Variants in GNG4 observed in about 807,000 individuals in gnomAD.
GNG4 encodes G protein subunit gamma 4.
GNG4 carries 4 observed loss-of-function variants against 5.8 expected under a neutral mutation model. That is an observed-to-expected ratio of 0.69 (90% CI 0.34 to 1.57). GNG4 has a LOEUF of 1.57. GNG4 is among the 40% of genes most tolerant of loss of function. GNG4 has a pLI of 0.06. For synonymous variants in GNG4, 29 were observed against 32.9 expected, an observed-to-expected ratio of 0.88 and a Z score of 0.41; for missense variants, 96 against 95.1, an observed-to-expected ratio of 1.01 and a Z score of -0.04.
intron 3 of GNG4, among the ~76,000 whole-genome samples, chr1:235,556,622 G>A (rs183765900): frequency 3.1e-4 from 46 of 150,564 alleles, no homozygotes; most frequent in East Asian, 9.8e-4. Flanking sequence ...TACTACAGCC[G>A]TCCCCAACGT....
chr1:235,605,820 A>T (rs1267487246), intron 1 of GNG4, among the ~76,000 whole-genome samples: 1 of 152,128 alleles, frequency 6.6e-6, no homozygotes. Context: ...GTCAGGGAGC[A>T]GACCAGGAAG....
intron 3 of GNG4, among the ~76,000 whole-genome samples, chr1:235,561,103 G>A (rs1324416885): frequency 3.9e-5 from 6 of 152,094 alleles, no homozygotes; most frequent in Non-Finnish European, 7.4e-5. Context: ...TCCACCTCAC[G>A]GGTTCAAGAC....
intron 3 of GNG4, among the ~76,000 whole-genome samples, chr1:235,576,415 GAAAA>G (rs1034248034): frequency 3.9e-5 from 6 of 152,130 alleles, no homozygotes; most frequent in Non-Finnish European, 8.8e-5. Flanking sequence ...TGATGGGTGA[GAAAA>G]AGAATAAGGC....
chr1:235,647,971 T>C (rs1657553447), intron 1 of GNG4, among the ~76,000 whole-genome samples: 1 of 152,206 alleles, frequency 6.6e-6, no homozygotes, highest in Non-Finnish European at 1.5e-5. Flanking sequence ...ATTGGGGGAC[T>C]TCAGGGACTG....
chr1:235,573,021 T>A (rs142062041), intron 3 of GNG4, among the ~76,000 whole-genome samples: 233 of 152,294 alleles, frequency 1.5e-3, no homozygotes, highest in Non-Finnish European at 2.6e-3. Flanking sequence ...TCACAACACA[T>A]GCACATGTAT....
intron 1 of GNG4, among the ~76,000 whole-genome samples, chr1:235,596,212 ACAC>A (rs1558490837): frequency 0.19 from 19,659 of 104,602 alleles, 1,861 homozygotes; most frequent in Non-Finnish European, 0.23. Flanking sequence ...AACAAAATAC[ACAC>A]ACACACACAC....
chr1:235,614,104 C>T (rs367898203), intron 1 of GNG4, among the ~76,000 whole-genome samples: 25 of 152,214 alleles, frequency 1.6e-4, no homozygotes, highest in African/African-American at 4.8e-4. Flanking sequence ...TGAGCCGCTG[C>T]GCCTGGCCTA....
chr1:235,575,645 T>C (rs2102933562), intron 3 of GNG4, among the ~76,000 whole-genome samples: 1 of 152,310 alleles, frequency 6.6e-6, no homozygotes, highest in East Asian at 1.9e-4. Context: ...GGCAGAATGT[T>C]CCTTGGCCAG....
At chr1:235,563,042 G>A (rs761487191) in intron 3 of GNG4, among the ~76,000 whole-genome samples, 1 of 152,018 alleles carries the variant, frequency 6.6e-6, no homozygotes, top group African/African-American at 2.4e-5. Context: ...TATTGTTTCT[G>A]CTGTCTTATT....
At chr1:235,611,465 C>T (rs894170642) in intron 1 of GNG4, among the ~76,000 whole-genome samples, 2 of 152,110 alleles carry the variant, frequency 1.3e-5, no homozygotes, top group Non-Finnish European at 2.9e-5. Flanking sequence ...TGGGCCATTG[C>T]GTCCTCCCTG....
chr1:235,572,193 G>C (rs993385362), intron 3 of GNG4, among the ~76,000 whole-genome samples: 1 of 151,438 alleles, frequency 6.6e-6, no homozygotes, highest in African/African-American at 2.4e-5. Flanking sequence ...AAACAGAAAA[G>C]GTAAGGTAAA....
chr1:235,650,285 G>C (rs6673308), upstream of GNG4, among the ~76,000 whole-genome samples: 131,412 of 133,446 alleles, frequency 0.98, 64,696 homozygotes, highest in Admixed American at 0.99. Flanking sequence ...GGGGCGCGGC[G>C]GGGGGGAGAT....
In GNG4 at chr1:235,550,444, T is replaced by G. The variant is rs1686712496; in HGVS notation, c.*1665A>C. 1 of 152,354 alleles carries G rather than the reference T, an allele frequency of 6.6e-6. No individual in the cohort carries two copies. Among genetic ancestry groups the G allele is most frequent in the African/African-American group, 2.4e-5 (1 of 41,444 alleles). 9.4% of individuals were successfully genotyped at this position (152,354 alleles called of 1,614,324 possible). On this transcript the variant is annotated 3_prime_UTR_variant, in exon 4 of 4. Coordinates refer to ENST00000391854, the MANE Select transcript of GNG4 (RefSeq NM_001098722.2). ...CTGCCTGCCCTCAAATCCCAGTTTT[T>G]CTGCTTACCATGTGTAACCTTGGGC...
chr1:235,599,694 C>A (rs983672876), intron 1 of GNG4, among the ~76,000 whole-genome samples: 3 of 152,184 alleles, frequency 2.0e-5, no homozygotes, highest in Non-Finnish European at 4.4e-5. Context: ...AGGGCCCAGT[C>A]CTGCCTTATG....
At chr1:235,592,662 C>T (rs1034824315) in intron 2 of GNG4, among the ~76,000 whole-genome samples, 1 of 152,186 alleles carries the variant, frequency 6.6e-6, no homozygotes, top group African/African-American at 2.4e-5. Context: ...CCATCCACGA[C>T]CTGTAACCCC....
At chr1:235,594,754 C>T (rs543616824) in intron 2 of GNG4, among the ~76,000 whole-genome samples, 3 of 152,218 alleles carry the variant, frequency 2.0e-5, no homozygotes, top group Admixed American at 6.5e-5. Flanking sequence ...AGTTCCCGCC[C>T]GTGCCTCTCC....
At chr1:235,592,051 G>C (rs991279566) in intron 2 of GNG4, among the ~76,000 whole-genome samples, 1 of 152,186 alleles carries the variant, frequency 6.6e-6, no homozygotes, top group East Asian at 1.9e-4. Flanking sequence ...CTAGAATTAC[G>C]AGATGTTTGG....
intron 1 of GNG4, among the ~76,000 whole-genome samples, chr1:235,630,705 G>C (rs1456794098): frequency 1.3e-5 from 2 of 152,164 alleles, no homozygotes; most frequent in Non-Finnish European, 2.9e-5. Flanking sequence ...GTAGACTTGA[G>C]GGACACGGGC....
chr1:235,594,314 A>G (rs1282709412), intron 2 of GNG4, among the ~76,000 whole-genome samples: 1 of 152,146 alleles, frequency 6.6e-6, no homozygotes, highest in African/African-American at 2.4e-5. Context: ...ACAATCCCTT[A>G]GCTAGACATA....
Sources: allele counts gnomAD v4.1 joint callset (sites outside exome capture counted in the v4.1 genomes callset), GRCh38; gene constraint gnomAD v4.1.1; transcripts MANE v1.5; gene names NCBI Gene and HGNC (gene_info 2026-07-23, HGNC 2026-07-21).